SBDS: variants seen among roughly 807,000 people sequenced by gnomAD.
SBDS encodes the protein ribosome maturation protein SBDS.
A neutral mutation model predicts 26.4 loss-of-function variants in SBDS; 20 were observed. The observed-to-expected ratio is 0.76, with a 90% CI of 0.53 to 1.10. The LOEUF (loss-of-function observed/expected upper bound fraction) is 1.10. SBDS is among the 50% of genes least tolerant of loss of function. The probability of loss-of-function intolerance (pLI) is 0.00; values close to 1 mark genes in which losing one functional copy is unlikely to be tolerated. For missense variants in SBDS, 241 were observed against 302.0 expected (o/e 0.80, Z 1.50); for synonymous variants, 95 against 105.1 (o/e 0.90, Z 0.59).
Position 66,988,354 on chromosome 7 carries a change from G to A in SBDS, c.*17C>T. ...GGAAACACTTTAGTGTTTTAGAGGTGAAGAGATTGATGGGTGTCATTCAAA... is the reference window on the plus strand; with the variant it reads ...GGAAACACTTTAGTGTTTTAGAGGTAAAGAGATTGATGGGTGTCATTCAAA... On this transcript the variant is annotated 3_prime_UTR_variant, in exon 5 of 5. Coordinates refer to ENST00000246868, the MANE Select transcript of SBDS (RefSeq NM_016038.4). The A allele has an allele frequency of 1.9e-6, 3 of 1,612,240 alleles. No individual in the cohort carries two copies. Among genetic ancestry groups the A allele is most frequent in the Non-Finnish European group, 2.5e-6 (3 of 1,179,700 alleles).
chr7:66,993,502 T>G, intron 2 of SBDS, 85 bp from the exon 3 acceptor site: 2 of 1,057,720 alleles, frequency 1.9e-6, no homozygotes, highest in South Asian at 2.6e-5. Context: ...AATGAGTAAC[T>G]GGATGGAGAG....
chr7:66,993,876 C>T (rs1392079038), intron 2 of SBDS, among the ~76,000 whole-genome samples: 1 of 151,206 alleles, frequency 6.6e-6, no homozygotes, highest in African/African-American at 2.4e-5. Context: ...AAGACTCTGT[C>T]CCCCCACCCA....
chr7:66,994,365 C>G (rs1006312029), intron 1 of SBDS, 24 bp from the exon 2 acceptor site: 2 of 1,610,308 alleles, frequency 1.2e-6, no homozygotes, highest in African/African-American at 2.7e-5. Flanking sequence ...GAGAGAAAGT[C>G]CTATGTGAAT....
chr7:66,992,956 G>A (rs989551458), intron 3 of SBDS, among the ~76,000 whole-genome samples: 18 of 150,234 alleles, frequency 1.2e-4, no homozygotes, highest in Middle Eastern at 6.8e-3. Context: ...GTAGTGAGCC[G>A]AGATCATACT....
intron 1 of SBDS, 69 bp from the exon 2 acceptor site, chr7:66,994,410 T>C: frequency 3.7e-6 from 5 of 1,350,376 alleles, no homozygotes; most frequent in Non-Finnish European, 5.3e-6. Context: ...TACATTTAAA[T>C]ACGAGATGGC....
In SBDS at chr7:66,995,379, G is replaced by A; in HGVS notation, c.39C>T (p.Thr13=). ...IFTPTNQIRL[T]NVAVVRMKRA... is the part of the protein sequence containing the mutation. ...GCTTCATCCGTACCACGGCCACATT[G>A]GTTAGGCGGATCTGGTTGGTGGGGG... The change falls in exon 1 of 5, where the codon ACC becomes ACT. Residue 13 remains threonine, a synonymous_variant. Coordinates refer to ENST00000246868, the MANE Select transcript of SBDS (RefSeq NM_016038.4). 6.2e-7 allele frequency: 1 copy of A among 1,614,122 alleles called. No homozygotes were observed. The highest frequency in any genetic ancestry group is 8.5e-7 in the Non-Finnish European group (1 of 1,180,020).
chr7:66,994,118 C>G, intron 2 of SBDS, 94 bp downstream of exon 2: 9 of 1,237,556 alleles, frequency 7.3e-6, no homozygotes, highest in Non-Finnish European at 1.1e-5. Flanking sequence ...CTTGGTTAGT[C>G]TTTCCTCCAG....
At chr7:66,995,237 T>A in intron 1 of SBDS, 53 bp downstream of exon 1, 1 of 1,611,866 alleles carries the variant, frequency 6.2e-7, no homozygotes, top group Non-Finnish European at 8.5e-7. Context: ...ACAGGCCGCC[T>A]CGGAGGTGAC....
At chr7:66,995,203 C>G (rs1793074902) in intron 1 of SBDS, 87 bp downstream of exon 1, 2 of 1,576,994 alleles carry the variant, frequency 1.3e-6, no homozygotes, top group Non-Finnish European at 1.7e-6. Context: ...CCCAGCCTGG[C>G]CCATTCACTC....
intron 3 of SBDS, among the ~76,000 whole-genome samples, chr7:66,992,644 A>G (rs1458772952): frequency 6.6e-6 from 1 of 151,866 alleles, no homozygotes. Flanking sequence ...CTTTTCCTCC[A>G]TCTCTTCCCC....
chr7:66,992,248 C>T (rs1229828817), intron 3 of SBDS, among the ~76,000 whole-genome samples: 1 of 151,860 alleles, frequency 6.6e-6, no homozygotes, highest in African/African-American at 2.4e-5. Flanking sequence ...TGTATGATTC[C>T]ATTTATATGA....
At chr7:66,992,315 G>A (rs1232347241) in intron 3 of SBDS, among the ~76,000 whole-genome samples, 1 of 152,088 alleles carries the variant, frequency 6.6e-6, no homozygotes, top group Non-Finnish European at 1.5e-5. Context: ...GGAGGGGCCT[G>A]TGGGGGGAAA....
At chr7:66,994,037 A>C (rs1386120694) in intron 2 of SBDS, among the ~76,000 whole-genome samples, 175 bp downstream of exon 2, 3 of 151,208 alleles carry the variant, frequency 2.0e-5, no homozygotes, top group Admixed American at 6.6e-5. Flanking sequence ...AAAAAAAAAA[A>C]ACCACAAAAA....
intron 4 of SBDS, 48 bp from the exon 5 acceptor site, chr7:66,988,547 CA>C: frequency 6.2e-7 from 1 of 1,606,782 alleles, no homozygotes; most frequent in Non-Finnish European, 8.5e-7. Flanking sequence ...GAGCAAGACA[CA>C]GAATAAACTC....
At chr7:66,991,349 A>G (rs1394454146) in intron 3 of SBDS, 48 bp from the exon 4 acceptor site, 4 of 1,469,226 alleles carry the variant, frequency 2.7e-6, no homozygotes, top group East Asian at 2.3e-5. Flanking sequence ...ATATTATTTC[A>G]TAAGGTTTTC....
Position 66,993,399 on chromosome 7 carries a change from C to A in SBDS, c.277G>T (p.Val93Phe). 1 of 1,613,950 alleles carries A rather than the reference C, an allele frequency of 6.2e-7. No individual in the cohort carries two copies. The highest frequency in any genetic ancestry group is 8.5e-7 in the Non-Finnish European group (1 of 1,179,934). The part of the protein sequence containing the change: ...ICKQILTKGE[V>F]QVSDKERHTQ... ...TGTCTTTCTTTATCTGATACTTGAA[C>A]TTCTCCTTTAGTCAAAATCTAAAAA... The change falls in exon 3 of 5, where the codon GTT becomes TTT. Residue 93 changes from valine to phenylalanine, a missense_variant. Coordinates refer to ENST00000246868, the MANE Select transcript of SBDS (RefSeq NM_016038.4).
chr7:66,990,445 T>A (rs1354248744), intron 4 of SBDS, among the ~76,000 whole-genome samples: 1 of 152,230 alleles, frequency 6.6e-6, no homozygotes, highest in Non-Finnish European at 1.5e-5. Flanking sequence ...TTTAGGATTA[T>A]GATCAGCACT....
chr7:66,988,608 A>G, intron 4 of SBDS, 109 bp from the exon 5 acceptor site: 1 of 1,278,052 alleles, frequency 7.8e-7, no homozygotes. Context: ...ATCTCTAATA[A>G]TACCACAGTT....
intron 3 of SBDS, among the ~76,000 whole-genome samples, chr7:66,992,950 T>G (rs1793005858): frequency 6.7e-6 from 1 of 149,522 alleles, no homozygotes; most frequent in Non-Finnish European, 1.5e-5. Flanking sequence ...GAGATTGTAG[T>G]GAGCCGAGAT....
Sources: gnomAD v4.1 joint callset for allele counts (sites outside exome capture counted in the v4.1 genomes callset) on GRCh38, gnomAD v4.1.1 for gene constraint, MANE v1.5 for transcripts, NCBI Gene and HGNC (gene_info 2026-07-23, HGNC 2026-07-21) for gene names.